CPNE8: variants seen among roughly 807,000 people sequenced by gnomAD.
CPNE8 encodes copine 8.
Under a neutral mutation model 81.5 loss-of-function variants are expected in CPNE8, and 45 were observed. That is an observed-to-expected ratio of 0.55 (90% CI 0.44 to 0.71). CPNE8 has a LOEUF of 0.71. Ranked by LOEUF, CPNE8 falls within the 30% of genes least tolerant of loss-of-function variation. CPNE8 has a pLI of 0.00. For missense variants in CPNE8, 594 were observed against 672.1 expected, an observed-to-expected ratio of 0.88 and a Z score of 1.28; for synonymous variants, 252 against 226.3, an observed-to-expected ratio of 1.11 and a Z score of -1.02.
chr12:38,847,583 T>C (rs1193635338), intron 4 of CPNE8, among the ~76,000 whole-genome samples: 1 of 152,186 alleles, frequency 6.6e-6, no homozygotes, highest in African/African-American at 2.4e-5. Flanking sequence ...AAATTTTGTT[T>C]GATAAATATG....
intron 13 of CPNE8, among the ~76,000 whole-genome samples, chr12:38,717,426 GGT>G (rs1364527895): frequency 0.073 from 2,025 of 27,768 alleles, 265 homozygotes; most frequent in African/African-American, 0.2. Context: ...AAGAAAGTGT[GGT>G]GTATATATAT....
At chr12:38,906,054 G>C (rs1485367745), upstream of CPNE8, 1 of 986,594 alleles carries the variant, frequency 1.0e-6, no homozygotes, top group African/African-American at 1.7e-5. Flanking sequence ...AAGTTTCCTC[G>C]CCTGAGTTGA....
intron 6 of CPNE8, among the ~76,000 whole-genome samples, chr12:38,789,423 C>T (rs973914401): frequency 3.0e-4 from 46 of 151,794 alleles, no homozygotes; most frequent in Non-Finnish European, 8.8e-5. Context: ...AACTAGACCC[C>T]TATCTTTTGC....
intron 6 of CPNE8, among the ~76,000 whole-genome samples, chr12:38,779,997 C>A (rs1461476824): frequency 6.6e-6 from 1 of 152,028 alleles, no homozygotes; most frequent in Non-Finnish European, 1.5e-5. Flanking sequence ...GTGCCAATGT[C>A]CAGGCACTTT....
intron 1 of CPNE8, 102 bp downstream of exon 1, chr12:38,905,335 C>A: frequency 7.3e-7 from 1 of 1,361,706 alleles, no homozygotes; most frequent in Non-Finnish European, 1.0e-6. Context: ...CATGGCGCAA[C>A]TTCTTGCCTG....
At chr12:38,795,444 T>C (rs535875184) in intron 6 of CPNE8, among the ~76,000 whole-genome samples, 1 of 152,282 alleles carries the variant, frequency 6.6e-6, no homozygotes, top group South Asian at 2.1e-4. Flanking sequence ...AGCGGCACTA[T>C]TCACAATATC....
intron 14 of CPNE8, among the ~76,000 whole-genome samples, chr12:38,697,640 C>A (rs1460935074): frequency 6.6e-6 from 1 of 152,046 alleles, no homozygotes; most frequent in Non-Finnish European, 1.5e-5. Flanking sequence ...GGATGTTTGT[C>A]CCCTCCAAAT....
chr12:38,873,141 C>A, intron 2 of CPNE8, 91 bp from the exon 3 acceptor site: 1 of 785,446 alleles, frequency 1.3e-6, no homozygotes, highest in Non-Finnish European at 2.1e-6. Flanking sequence ...TGTTCAAAAG[C>A]TACATCAAAA....
intron 6 of CPNE8, among the ~76,000 whole-genome samples, chr12:38,785,470 T>C (rs560441156): frequency 6.6e-6 from 1 of 152,220 alleles, no homozygotes; most frequent in Non-Finnish European, 1.5e-5. Context: ...GGTAATTGAA[T>C]CATGAAGGCA....
chr12:38,769,087 TCTTA>T (rs1941748272), intron 7 of CPNE8, among the ~76,000 whole-genome samples: 1 of 152,212 alleles, frequency 6.6e-6, no homozygotes, highest in Non-Finnish European at 1.5e-5. Context: ...TCACTCATTT[TCTTA>T]CTTAGCAAAC....
At position 38,677,481 on chromosome 12, in the gene CPNE8, T is replaced by C. The variant is rs756440521; in HGVS notation, c.1345A>G (p.Met449Val). Residue 449 changes from methionine to valine, a missense_variant, in exon 17 of 20, where the codon ATG (methionine) becomes GTG (valine). Coordinates refer to ENST00000331366, the MANE Select transcript of CPNE8 (RefSeq NM_153634.3). ...ACTATGGACTCCTTAGTCTGGGCCA[T>C]ATCTGAGATAACACCATCTGTAACA... ...LIVTDGVISD[M>V]AQTKESIVNA... The C allele has an allele frequency of 6.2e-7, 1 of 1,611,062 alleles. No homozygotes were observed. Among genetic ancestry groups the C allele is most frequent in the Non-Finnish European group, 8.5e-7 (1 of 1,177,490 alleles).
intron 19 of CPNE8, among the ~76,000 whole-genome samples, chr12:38,662,894 A>G (rs1314627278): frequency 2.0e-5 from 3 of 151,996 alleles, no homozygotes; most frequent in Admixed American, 6.6e-5. Context: ...TGGGGAAAGA[A>G]CACCCTTTTC....
At chr12:38,894,692 TCTCTCTCTCTCTCTC>T (rs1944362861) in intron 1 of CPNE8, among the ~76,000 whole-genome samples, 5 of 149,240 alleles carry the variant, frequency 3.4e-5, no homozygotes, top group South Asian at 2.1e-4. Context: ...TCTCTCTCTC[TCTCTCTCTCTCTCTC>T]TCTCATATTC....
At chr12:38,863,016 A>G (rs1943862010) in intron 3 of CPNE8, among the ~76,000 whole-genome samples, 1 of 152,194 alleles carries the variant, frequency 6.6e-6, no homozygotes, top group East Asian at 1.9e-4. Context: ...GTAACCAATG[A>G]CAGTTTTTTA....
At chr12:38,797,240 C>A (rs1451253798) in intron 6 of CPNE8, among the ~76,000 whole-genome samples, 1 of 152,170 alleles carries the variant, frequency 6.6e-6, no homozygotes, top group Admixed American at 6.5e-5. Context: ...GGGCAGACTG[C>A]CTCCTCAACT....
At chr12:38,767,988 G>A (rs1343769255) in intron 7 of CPNE8, among the ~76,000 whole-genome samples, 2 of 151,992 alleles carry the variant, frequency 1.3e-5, no homozygotes, top group Non-Finnish European at 2.9e-5. Flanking sequence ...CCTTTGAAAA[G>A]TGATATTAAG....
chr12:38,833,888 A>G (rs897228110), intron 5 of CPNE8, among the ~76,000 whole-genome samples: 2 of 152,192 alleles, frequency 1.3e-5, no homozygotes, highest in Admixed American at 6.5e-5. Flanking sequence ...CATGTGAGGG[A>G]GGGAACCATG....
At chr12:38,905,788 C>G (rs1055966139), upstream of CPNE8, 2 of 985,226 alleles carry the variant, frequency 2.0e-6, no homozygotes, top group African/African-American at 3.5e-5. Context: ...TTCCCAGCCC[C>G]CTTCCGGCAG....
chr12:38,813,736 A>G (rs1401539400), intron 6 of CPNE8, among the ~76,000 whole-genome samples: 1 of 152,216 alleles, frequency 6.6e-6, no homozygotes, highest in African/African-American at 2.4e-5. Flanking sequence ...AGAAATTTTC[A>G]GGAAAAGATT....
Sources: gnomAD v4.1 joint callset for allele counts (sites outside exome capture counted in the v4.1 genomes callset) on GRCh38, gnomAD v4.1.1 for gene constraint, MANE v1.5 for transcripts, NCBI Gene and HGNC (gene_info 2026-07-23, HGNC 2026-07-21) for gene names.